The following CCDC30 variants were observed in gnomAD, a reference collection of about 807,000 sequenced individuals.
CCDC30 encodes coiled-coil domain containing 30, also known as coiled-coil domain-containing protein 30.
CCDC30 carries 70 observed loss-of-function variants against 100.2 expected under a neutral mutation model. The observed-to-expected ratio is 0.70, with a 90% CI of 0.58 to 0.85. The LOEUF is 0.85. Among genes scored for constraint, CCDC30 ranks in the 40% least tolerant of loss-of-function variants. The probability of loss-of-function intolerance (pLI) is 0.00; values close to 1 mark genes in which losing one functional copy is unlikely to be tolerated. For missense variants in CCDC30, 652 were observed against 771.2 expected, an observed-to-expected ratio of 0.85 and a Z score of 1.83; for synonymous variants, 233 against 269.5, an observed-to-expected ratio of 0.86 and a Z score of 1.33.
At position 42,619,556 on chromosome 1, in the gene CCDC30, A is replaced by T. The variant is rs117779467; in HGVS notation, c.1277+8466A>T. ...TACAGAAAGAATGGGGGCTTAGATC[A>T]TGGCAAAACAGGTTAAGGGAAGGGG... On this transcript the variant is annotated intron_variant, in intron 11 of 16. Transcript: ENST00000668663. 4.4e-4 allele frequency among the ~76,000 whole-genome samples: 67 copies of T among 152,324 alleles called. No homozygotes were observed. The East Asian group carries it at 0.013, about 28-fold the overall frequency.
chr1:42,566,504 A>C, intron 7 of CCDC30, 29 bp downstream of exon 11: 1 of 1,591,374 alleles, frequency 6.3e-7, no homozygotes, highest in Non-Finnish European at 8.6e-7. Context: ...TGCTTTATGG[A>C]AGGGTTTCAG....
intron 11 of CCDC30, among the ~76,000 whole-genome samples, chr1:42,616,753 G>A (rs1357646901): frequency 6.6e-6 from 1 of 152,128 alleles, no homozygotes; most frequent in African/African-American, 2.4e-5. Context: ...ACTTCAGACC[G>A]AACCAATAGT....
At position 42,479,566 on chromosome 1, in the gene CCDC30, T is replaced by TA. The variant is rs34698340; in HGVS notation, c.-91-879dup. ...GAACAATTAGATATAGACATATGCT[T>TA]AAAAAAAAAAAAAAAAGCCTCCCAA... On this transcript the variant is annotated intron_variant, in intron 1 of 16. Coordinates refer to ENST00000668663, the Ensembl canonical transcript of CCDC30. 1.5e-3 allele frequency among the ~76,000 whole-genome samples: 205 copies of TA among 135,426 alleles called. 1 individual carries two copies. Among genetic ancestry groups the TA allele is most frequent in the Admixed American group, 2.5e-3 (34 of 13,492 alleles). The allele number at this position is 135,426 out of a possible 152,430, so 88.8% of individuals were successfully genotyped here.
chr1:42,625,010 T>A (rs2148661934), intron 11 of CCDC30, among the ~76,000 whole-genome samples: 1 of 152,250 alleles, frequency 6.6e-6, no homozygotes, highest in East Asian at 1.9e-4. Context: ...GCCATTGGGT[T>A]CTGGCCTTTT....
intron 3 of CCDC30, among the ~76,000 whole-genome samples, chr1:42,489,049 T>G (rs1189297990): frequency 6.6e-6 from 1 of 152,204 alleles, no homozygotes; most frequent in Admixed American, 6.5e-5. Context: ...TTACTCGTCT[T>G]ATTCCCTCTT....
intron 6 of CCDC30, among the ~76,000 whole-genome samples, chr1:42,532,789 C>T (rs1466274334): frequency 3.9e-5 from 6 of 152,124 alleles, no homozygotes; most frequent in Non-Finnish European, 8.8e-5. Flanking sequence ...TTTTTTGAGA[C>T]GGAGTCTCCC....
intron 6 of CCDC30, among the ~76,000 whole-genome samples, chr1:42,549,739 A>C (rs899977001): frequency 2.6e-5 from 4 of 152,204 alleles, no homozygotes; most frequent in Admixed American, 2.0e-4. Context: ...TACAATGGGT[A>C]TACAATTGCA....
chr1:42,457,484 C>G, the CCDC30 span: 17 of 738,804 alleles, frequency 2.3e-5, no homozygotes, highest in Admixed American at 4.5e-5. Flanking sequence ...TAAGACACCG[C>G]CCTCCCTCAT....
upstream of CCDC30, among the ~76,000 whole-genome samples, chr1:42,463,170 G>C (rs909358905): frequency 2.0e-5 from 3 of 152,226 alleles, no homozygotes; most frequent in African/African-American, 7.2e-5. Flanking sequence ...AAGGCCAATG[G>C]TGTGAGACAT....
At chr1:42,457,602 T>TG in the CCDC30 span, 1 of 509,754 alleles carries the variant, frequency 2.0e-6, no homozygotes, top group African/African-American at 1.9e-5. Flanking sequence ...ATGGGGCGAG[T>TG]GAATCCTGGG....
intron 11 of CCDC30, among the ~76,000 whole-genome samples, chr1:42,617,746 A>G (rs759855174): frequency 6.6e-6 from 1 of 152,198 alleles, no homozygotes; most frequent in Non-Finnish European, 1.5e-5. Context: ...AGGTGTCATC[A>G]GCTGGTGCAC....
chr1:42,470,845 G>C (rs1017767753), intron 1 of CCDC30, among the ~76,000 whole-genome samples: 4 of 152,182 alleles, frequency 2.6e-5, no homozygotes, highest in African/African-American at 9.7e-5. Context: ...TAGAGTTTCT[G>C]TTTGGCATAA....
chr1:42,587,561 G>A (rs1355950370), intron 9 of CCDC30, among the ~76,000 whole-genome samples: 1 of 152,190 alleles, frequency 6.6e-6, no homozygotes, highest in Non-Finnish European at 1.5e-5. Context: ...TGGAGAGTCT[G>A]CACTTACATC....
intron 6 of CCDC30, among the ~76,000 whole-genome samples, chr1:42,510,530 G>A (rs12039992): frequency 0.24 from 36,957 of 151,882 alleles, 4,879 homozygotes; most frequent in South Asian, 0.42. Context: ...GGTGGCACAC[G>A]CCTGTGGTCC....
At chr1:42,566,519 C>T (rs1309248831) in intron 7 of CCDC30, 44 bp downstream of exon 11, 2 of 1,517,748 alleles carry the variant, frequency 1.3e-6, no homozygotes, top group African/African-American at 1.4e-5. Flanking sequence ...TTTCAGTTGG[C>T]CCTGGGAATA....
chr1:42,489,855 T>A (rs372454330), intron 3 of CCDC30: 4 of 177,068 alleles, frequency 2.3e-5, no homozygotes, highest in Admixed American at 6.2e-5. Flanking sequence ...ACCTAAAAAC[T>A]TTCAGCTTTT....
intron 10 of CCDC30, among the ~76,000 whole-genome samples, chr1:42,598,836 G>C (rs1171296956): frequency 6.6e-6 from 1 of 151,922 alleles, no homozygotes; most frequent in Non-Finnish European, 1.5e-5. Context: ...CAAGACAGGA[G>C]GATCGCTTGA....
intron 6 of CCDC30, among the ~76,000 whole-genome samples, chr1:42,526,157 G>T (rs1644721380): frequency 6.6e-6 from 1 of 152,132 alleles, no homozygotes; most frequent in Non-Finnish European, 1.5e-5. Context: ...ACTCTAGAAA[G>T]TATTTCAAGG....
exon 3 of CCDC30, chr1:42,482,749 G>A: frequency 1.6e-6 from 2 of 1,234,058 alleles, no homozygotes; most frequent in Non-Finnish European, 2.0e-6. Context: ...AGTTAGGGGT[G>A]GCTCATGAAG....
Sources: gnomAD v4.1 joint callset for allele counts (sites outside exome capture counted in the v4.1 genomes callset) on GRCh38, gnomAD v4.1.1 for gene constraint, MANE v1.5 for transcripts, NCBI Gene and HGNC (gene_info 2026-07-23, HGNC 2026-07-21) for gene names.